The following ZNF804B variants were observed in gnomAD, a reference collection of about 807,000 sequenced individuals.
ZNF804B encodes zinc finger protein 804B.
ZNF804B carries 80 observed loss-of-function variants against 101.4 expected under a neutral mutation model. The ratio of observed to expected loss-of-function variants is 0.79; its 90% CI spans 0.66 to 0.95. The LOEUF is 0.95. Ranked by LOEUF, ZNF804B falls within the 40% of genes least tolerant of loss-of-function variation. The probability of loss-of-function intolerance (pLI) is 0.00; values close to 1 mark genes in which losing one functional copy is unlikely to be tolerated. For missense variants in ZNF804B, 1,673 were observed against 1,561.9 expected (o/e 1.07, Z -1.20); for synonymous variants, 622 against 558.8 (o/e 1.11, Z -1.59).
intron 1 of ZNF804B, among the ~76,000 whole-genome samples, chr7:89,136,746 T>A (rs1419771450): frequency 1.8e-5 from 2 of 111,346 alleles, no homozygotes; most frequent in South Asian, 2.9e-4. Context: ...AGTGTGTGTG[T>A]GTGTGTGTGT....
chr7:88,971,308 CTTCA>C (rs1425619543), intron 1 of ZNF804B, among the ~76,000 whole-genome samples: 1 of 151,522 alleles, frequency 6.6e-6, no homozygotes, highest in African/African-American at 2.4e-5. Flanking sequence ...ACATTTATTC[CTTCA>C]TTCAGCCATA....
intron 1 of ZNF804B, among the ~76,000 whole-genome samples, chr7:88,790,551 C>T (rs192264689): frequency 6.6e-6 from 1 of 152,182 alleles, no homozygotes; most frequent in Non-Finnish European, 1.5e-5. Flanking sequence ...CATTAGTCTG[C>T]TAAGGATAAT....
intron 1 of ZNF804B, among the ~76,000 whole-genome samples, chr7:88,939,075 A>G (rs1793017407): frequency 6.6e-6 from 1 of 152,052 alleles, no homozygotes; most frequent in African/African-American, 2.4e-5. Flanking sequence ...AATGAGGAAG[A>G]TTGAAAATAA....
At chr7:89,292,611 T>A (rs1354665307) in intron 2 of ZNF804B, among the ~76,000 whole-genome samples, 1 of 151,670 alleles carries the variant, frequency 6.6e-6, no homozygotes, top group African/African-American at 2.4e-5. Context: ...AAAAATCACC[T>A]TCACTGAAAA....
chr7:89,210,627 G>A (rs926360113), intron 1 of ZNF804B, among the ~76,000 whole-genome samples: 2 of 152,158 alleles, frequency 1.3e-5, no homozygotes, highest in African/African-American at 2.4e-5. Flanking sequence ...TTAGTTTGCT[G>A]AGGATAATGG....
At chr7:89,065,656 G>T (rs1789445946) in intron 1 of ZNF804B, among the ~76,000 whole-genome samples, 1 of 152,044 alleles carries the variant, frequency 6.6e-6, no homozygotes, top group African/African-American at 2.4e-5. Flanking sequence ...CCAAAGTGTT[G>T]GCAGGCCTGT....
At chr7:89,055,878 G>A (rs946747920) in intron 1 of ZNF804B, among the ~76,000 whole-genome samples, 3 of 152,088 alleles carry the variant, frequency 2.0e-5, no homozygotes, top group African/African-American at 7.2e-5. Flanking sequence ...GCTCTTAGAA[G>A]AATAGATGAA....
chr7:89,079,301 T>C (rs551167959), intron 1 of ZNF804B, among the ~76,000 whole-genome samples: 1 of 152,194 alleles, frequency 6.6e-6, no homozygotes, highest in East Asian at 1.9e-4. Context: ...GCCTCTAGGC[T>C]AAATGTTTTT....
intron 1 of ZNF804B, among the ~76,000 whole-genome samples, chr7:88,942,692 A>T (rs1793073654): frequency 6.6e-6 from 1 of 151,804 alleles, no homozygotes; most frequent in African/African-American, 2.4e-5. Context: ...AATGGTATTT[A>T]GGTTAGACCA....
chr7:89,068,181 G>A (rs1789483354), intron 1 of ZNF804B, among the ~76,000 whole-genome samples: 1 of 149,716 alleles, frequency 6.7e-6, no homozygotes, highest in Admixed American at 6.7e-5. Context: ...TTAGTGTTGT[G>A]AAGTTATTAA....
chr7:89,318,584 G>A (rs1458413567), intron 2 of ZNF804B, among the ~76,000 whole-genome samples: 3 of 152,144 alleles, frequency 2.0e-5, no homozygotes, highest in Non-Finnish European at 4.4e-5. Flanking sequence ...CCAACATGGC[G>A]AAACCCTGTG....
chr7:88,897,965 A>G (rs963777766), intron 1 of ZNF804B, among the ~76,000 whole-genome samples: 3 of 150,940 alleles, frequency 2.0e-5, no homozygotes, highest in Admixed American at 6.6e-5. Context: ...GCATACCTTC[A>G]TATCTACTGA....
intron 1 of ZNF804B, among the ~76,000 whole-genome samples, chr7:88,958,043 GAATCTGACATC>G (rs1189124813): frequency 6.6e-6 from 1 of 151,248 alleles, no homozygotes; most frequent in Non-Finnish European, 1.5e-5. Flanking sequence ...TCACAGCAGT[GAATCTGACATC>G]AGGTGATTGC....
chr7:89,275,204 C>T (rs2115850081), intron 2 of ZNF804B, among the ~76,000 whole-genome samples: 1 of 152,068 alleles, frequency 6.6e-6, no homozygotes, highest in South Asian at 2.1e-4. Context: ...AAAACTCCAT[C>T]TTCTCTTTTT....
At chr7:89,294,865 C>T (rs1000518813) in intron 2 of ZNF804B, among the ~76,000 whole-genome samples, 1 of 152,050 alleles carries the variant, frequency 6.6e-6, no homozygotes, top group Non-Finnish European at 1.5e-5. Context: ...TCCTTTCACA[C>T]AATTTTCATT....
intron 1 of ZNF804B, among the ~76,000 whole-genome samples, chr7:88,768,582 G>A (rs962076449): frequency 8.5e-5 from 13 of 152,174 alleles, no homozygotes; most frequent in African/African-American, 3.1e-4. Context: ...GCTCGGCATG[G>A]TGGCACGAGC....
At chr7:89,306,814 A>G (rs1790568604) in intron 2 of ZNF804B, among the ~76,000 whole-genome samples, 1 of 152,024 alleles carries the variant, frequency 6.6e-6, no homozygotes, top group South Asian at 2.1e-4. Flanking sequence ...GCGGTTTAGA[A>G]CACAGATTTA....
chr7:89,090,927 T>G (rs1789875661), intron 1 of ZNF804B, among the ~76,000 whole-genome samples: 1 of 152,030 alleles, frequency 6.6e-6, no homozygotes, highest in Non-Finnish European at 1.5e-5. Context: ...TGCTGAGAAC[T>G]GCACACGTAA....
At chr7:89,081,896 T>C (rs1789703640) in intron 1 of ZNF804B, among the ~76,000 whole-genome samples, 1 of 151,764 alleles carries the variant, frequency 6.6e-6, no homozygotes, top group Admixed American at 6.6e-5. Flanking sequence ...TCTTCCTTTC[T>C]TCAAATCCAA....
Sources: allele counts gnomAD v4.1 joint callset (sites outside exome capture counted in the v4.1 genomes callset), GRCh38; gene constraint gnomAD v4.1.1; transcripts MANE v1.5; gene names NCBI Gene and HGNC (gene_info 2026-07-23, HGNC 2026-07-21).